PIWIL4: variants seen among roughly 807,000 people sequenced by gnomAD.
PIWIL4 encodes the protein piwi like RNA-mediated gene silencing 4, also known as piwi-like protein 4.
A neutral mutation model predicts 100.9 loss-of-function variants in PIWIL4; 50 were observed. That is an observed-to-expected ratio of 0.50 (90% CI 0.39 to 0.63). PIWIL4 has a LOEUF of 0.63. PIWIL4 is among the 20% of genes least tolerant of loss of function. PIWIL4 has a pLI of 0.00. For missense variants in PIWIL4, 887 were observed against 1,043.3 expected, an observed-to-expected ratio of 0.85 and a Z score of 2.06; for synonymous variants, 342 against 367.5, an observed-to-expected ratio of 0.93 and a Z score of 0.79.
chr11:94,619,690 A>G, intron 17 of PIWIL4, 70 bp from the exon 18 acceptor site: 6 of 1,459,404 alleles, frequency 4.1e-6, no homozygotes, highest in East Asian at 2.4e-5. Context: ...CATTTTTTAA[A>G]TTACACAAAA....
At chr11:94,613,346 T>C (rs984735354) in intron 15 of PIWIL4, among the ~76,000 whole-genome samples, 39 of 152,240 alleles carry the variant, frequency 2.6e-4, no homozygotes, top group African/African-American at 8.7e-4. Context: ...GAGGGTTCCT[T>C]TGTATGTAAT....
Position 94,575,125 on chromosome 11 carries a change from A to G in PIWIL4, c.293A>G (p.Lys98Arg), listed in dbSNP as rs759745943. 6.1e-5 allele frequency: 99 copies of G among 1,613,288 alleles called. No individual in the cohort carries two copies. Among genetic ancestry groups the G allele is most frequent in the Non-Finnish European group, 8.2e-5 (97 of 1,179,818 alleles). ...AAATTGGCACATGTGAGAAATTGTAAAACAGGTACCCAGTTTTATGTCACT... is the reference window on the plus strand; with the variant it reads ...AAATTGGCACATGTGAGAAATTGTAGAACAGGTACCCAGTTTTATGTCACT... ...REKLAHVRNC[K>R]TGSSGIPVKL... Residue 98 changes from lysine (K) to arginine (R), a missense_variant, in exon 3 of 20, where the codon AAA (lysine) becomes AGA (arginine). By Grantham distance (26) the Lys-to-Arg change is conservative. This residue lies in a region of PIWIL4 where 741 missense variants were observed against 930.0 expected (regional missense o/e 0.80). Transcript: ENST00000299001.
At chr11:94,581,523 T>C (rs1185152413) in intron 4 of PIWIL4, among the ~76,000 whole-genome samples, 1 of 152,162 alleles carries the variant, frequency 6.6e-6, no homozygotes, top group Non-Finnish European at 1.5e-5. Flanking sequence ...GAACTTTAAA[T>C]GTCCTGCCAA....
intron 1 of PIWIL4, 24 bp from the exon 2 acceptor site, chr11:94,568,706 C>T: frequency 6.5e-7 from 1 of 1,547,302 alleles, no homozygotes; most frequent in South Asian, 1.1e-5. Context: ...TAAATCTGAA[C>T]AAAACTTTTT....
At chr11:94,595,948 A>G (rs939539421) in intron 10 of PIWIL4, among the ~76,000 whole-genome samples, 5 of 152,306 alleles carry the variant, frequency 3.3e-5, no homozygotes, top group Admixed American at 6.5e-5. Flanking sequence ...ACAGTTTGCT[A>G]TAACATGTGA....
chr11:94,580,642 T>C (rs1339910141), intron 4 of PIWIL4, among the ~76,000 whole-genome samples: 1 of 152,230 alleles, frequency 6.6e-6, no homozygotes, highest in African/African-American at 2.4e-5. Context: ...GAATAAAAGT[T>C]CTTTACAAAT....
intron 4 of PIWIL4, among the ~76,000 whole-genome samples, chr11:94,577,820 A>G (rs1948259098): frequency 6.6e-6 from 1 of 152,318 alleles, no homozygotes; most frequent in African/African-American, 2.4e-5. Flanking sequence ...TTTTAAGATT[A>G]TAAAACAAAA....
intron 7 of PIWIL4, 75 bp downstream of exon 7, chr11:94,587,322 G>T: frequency 1.4e-6 from 2 of 1,420,714 alleles, no homozygotes; most frequent in South Asian, 2.5e-5. Flanking sequence ...GAATAGTGTT[G>T]GAGTATTGGC....
At chr11:94,598,963 C>T (rs145746550) in intron 11 of PIWIL4, among the ~76,000 whole-genome samples, 13 of 152,186 alleles carry the variant, frequency 8.5e-5, no homozygotes, top group Non-Finnish European at 1.8e-4. Flanking sequence ...CCACCTCAGC[C>T]TCTCAAAGTG....
At position 94,567,441 on chromosome 11, in the gene PIWIL4, C is replaced by A. The variant is rs1948089587; in HGVS notation, c.-78C>A. On this transcript the variant is annotated 5_prime_UTR_variant, in exon 1 of 20. Coordinates refer to ENST00000299001, the MANE Select transcript of PIWIL4 (RefSeq NM_152431.3). ...CCAGGCAGTTTCGCCGTCACACCGT[C>A]GCCATCTGTAGCCAAAGCAAAACAT... is the stretch of plus-strand genomic sequence containing the variant. 7.7e-7 allele frequency: 1 copy of A among 1,296,652 alleles called. No individual in the cohort carries two copies. The highest frequency in any genetic ancestry group is 1.0e-6 in the Non-Finnish European group (1 of 972,496). The allele number at this position is 1,296,652 out of a possible 1,614,324, so 80.3% of individuals were successfully genotyped here. A position where few individuals can be genotyped will look rare whatever the true frequency, so the allele number is the denominator to read the frequency against.
In PIWIL4 at chr11:94,576,801, C is replaced by T. The variant is rs182164318; in HGVS notation, c.299-477C>T. On this transcript the variant is annotated intron_variant, in intron 3 of 19. Transcript: ENST00000299001. ...TTGTTTGGTCTAACCACTGATATAACTTTTTCAGAATTTTCAGAAATATGA... is the reference window on the plus strand; with the variant it reads ...TTGTTTGGTCTAACCACTGATATAATTTTTTCAGAATTTTCAGAAATATGA... 1.1e-4 allele frequency among the ~76,000 whole-genome samples: 16 copies of T among 152,304 alleles called. No individual in the cohort carries two copies. The East Asian group carries it at 2.5e-3, about 24-fold the overall frequency.
In PIWIL4 at chr11:94,603,129, G is replaced by T. The variant is rs149991088; in HGVS notation, c.1566-855G>T. On this transcript the variant is annotated intron_variant, in intron 12 of 19. Coordinates refer to ENST00000299001, the MANE Select transcript of PIWIL4 (RefSeq NM_152431.3). ...AAACATTCACCTGATGATTTTAGGAGTGGACTGTAAGTGCAGCAGAGTCAG... is the reference window on the plus strand; with the variant it reads ...AAACATTCACCTGATGATTTTAGGATTGGACTGTAAGTGCAGCAGAGTCAG... 2.6e-3 allele frequency among the ~76,000 whole-genome samples: 390 copies of T among 152,264 alleles called. 2 individuals carry two copies. Among genetic ancestry groups the T allele is most frequent in the Admixed American group, 6.3e-3 (97 of 15,290 alleles).
rs532609274 is a variant in PIWIL4, at chr11:94,579,590, TC to T, written c.513+2099del. On this transcript the variant is annotated intron_variant, in intron 4 of 19. Coordinates refer to ENST00000299001, the MANE Select transcript of PIWIL4 (RefSeq NM_152431.3). The stretch of plus-strand genomic sequence containing the variant: ...TCTAGGTAAGTGTTTGTGAATTTCC[TC>T]ATGAAATGTGTTTCTTAGCACTCTT... Among the ~76,000 whole-genome samples, 46 of 152,348 alleles carry T rather than the reference TC, an allele frequency of 3.0e-4. 1 individual carries two copies. The highest frequency in any genetic ancestry group is 2.4e-3 in the Admixed American group (37 of 15,308).
intron 15 of PIWIL4, among the ~76,000 whole-genome samples, chr11:94,612,297 G>A (rs1217040960): frequency 2.1e-5 from 3 of 144,996 alleles, no homozygotes; most frequent in Admixed American, 7.0e-5. Flanking sequence ...CTTATCCAAC[G>A]ACTTTGATTT....
rs138974273 is a variant in PIWIL4 at position 94,569,246 on chromosome 11, C to T, written c.166+438C>T. Among the ~76,000 whole-genome samples, 100 of 151,992 alleles carry T rather than the reference C, an allele frequency of 6.6e-4. 1 individual carries two copies. The highest frequency in any genetic ancestry group is 2.3e-3 in the African/African-American group (96 of 41,426). On this transcript the variant is annotated intron_variant, in intron 2 of 19. Transcript: ENST00000299001. ...ATATAAAATCAACTTAAGCATCCAT[C>T]GATGGATAATTAGATAAAGAAAATG...
intron 4 of PIWIL4, among the ~76,000 whole-genome samples, chr11:94,581,091 G>T (rs572571015): frequency 6.6e-6 from 1 of 151,786 alleles, no homozygotes; most frequent in African/African-American, 2.4e-5. Flanking sequence ...GTAGAGACGC[G>T]GTTTCACCAC....
At chr11:94,615,130 G>A (rs1354398542) in intron 15 of PIWIL4, among the ~76,000 whole-genome samples, 4 of 152,140 alleles carry the variant, frequency 2.6e-5, no homozygotes, top group Non-Finnish European at 5.9e-5. Flanking sequence ...TCATAGAGCA[G>A]TCAGTAGGGT....
intron 2 of PIWIL4, among the ~76,000 whole-genome samples, chr11:94,572,680 T>C (rs1369034118): frequency 6.6e-6 from 1 of 152,248 alleles, no homozygotes; most frequent in Non-Finnish European, 1.5e-5. Flanking sequence ...CATGCTGTTT[T>C]GGTTACTGTA....
chr11:94,575,114 G>A lies in PIWIL4; in HGVS notation c.282G>A (p.Val94=), dbSNP rs774484088. ...GTACCAGAGAAAAATTGGCACATGT[G>A]AGAAATTGTAAAACAGGTACCCAGT... ...SICTREKLAH[V]RNCKTGSSGI... is the part of the protein sequence containing the mutation. Residue 94 remains valine (V), a synonymous_variant, in exon 3 of 20, where the codon GTG becomes GTA. Coordinates refer to ENST00000299001, the MANE Select transcript of PIWIL4 (RefSeq NM_152431.3). 3.1e-6 allele frequency: 5 copies of A among 1,613,550 alleles called. No homozygotes were observed. In the South Asian group the frequency reaches 4.4e-5, roughly 14 times the overall value.
Sources: gnomAD v4.1 joint callset for allele counts (sites outside exome capture counted in the v4.1 genomes callset) on GRCh38, gnomAD v4.1.1 for gene constraint, gnomAD v4.1.1 regional missense constraint, MANE v1.5 for transcripts, NCBI Gene and HGNC (gene_info 2026-07-23, HGNC 2026-07-21) for gene names.